The following LNX1 variants were observed in gnomAD, a reference collection of about 807,000 sequenced individuals.
The protein encoded by LNX1 is E3 ubiquitin-protein ligase LNX.
In LNX1, 54 loss-of-function variants were observed where a neutral mutation model predicts 68.4. The ratio of observed to expected loss-of-function variants is 0.79; its 90% CI spans 0.63 to 0.99. The LOEUF (loss-of-function observed/expected upper bound fraction) is 0.99. Ranked by LOEUF, LNX1 falls within the 50% of genes least tolerant of loss-of-function variation. LNX1 has a pLI of 0.00. For synonymous variants in LNX1, 336 were observed against 350.0 expected (o/e 0.96, Z 0.45); for missense variants, 906 against 926.4 (o/e 0.98, Z 0.29).
intron 9 of LNX1, among the ~76,000 whole-genome samples, chr4:53,467,566 CA>C (rs1311474034): frequency 6.6e-6 from 1 of 151,946 alleles, no homozygotes; most frequent in African/African-American, 2.4e-5. Flanking sequence ...AAGTTTGAAC[CA>C]ATGGCAAAGA....
At chr4:53,592,395 G>C (rs1732549566), upstream of LNX1, among the ~76,000 whole-genome samples, 4 of 152,156 alleles carry the variant, frequency 2.6e-5, no homozygotes, top group African/African-American at 7.2e-5. Flanking sequence ...TCCAGCACCA[G>C]AGCAGGCAGC....
intron 2 of LNX1, among the ~76,000 whole-genome samples, chr4:53,597,186 G>A (rs186621903): frequency 6.6e-6 from 1 of 152,090 alleles, no homozygotes; most frequent in African/African-American, 2.4e-5. Context: ...AATGCTAGCT[G>A]CACTTGTCAC....
intron 4 of LNX1, among the ~76,000 whole-genome samples, chr4:53,506,109 G>A (rs1725852163): frequency 6.6e-6 from 1 of 152,174 alleles, no homozygotes; most frequent in Non-Finnish European, 1.5e-5. Context: ...AGAGTAGAGG[G>A]CAGTATAACC....
At chr4:53,618,370 G>A (rs1048218181), upstream of LNX1, among the ~76,000 whole-genome samples, 4 of 152,154 alleles carry the variant, frequency 2.6e-5, no homozygotes, top group Non-Finnish European at 5.9e-5. Flanking sequence ...ATTAGGCAGA[G>A]ACACAAAAAG....
chr4:53,551,580 C>A (rs1729521245), intron 2 of LNX1, among the ~76,000 whole-genome samples: 1 of 152,284 alleles, frequency 6.6e-6, no homozygotes, highest in South Asian at 2.1e-4. Flanking sequence ...GCTCACCCCC[C>A]AAGTGCCTGA....
At chr4:53,642,965 C>A (rs1435110883) in intron 1 of LNX1, among the ~76,000 whole-genome samples, 1 of 152,122 alleles carries the variant, frequency 6.6e-6, no homozygotes, top group Non-Finnish European at 1.5e-5. Flanking sequence ...GGTGATTTTG[C>A]CCTCCAGAGG....
chr4:53,552,870 A>C (rs1729615675), intron 2 of LNX1, among the ~76,000 whole-genome samples: 1 of 151,470 alleles, frequency 6.6e-6, no homozygotes, highest in Non-Finnish European at 1.5e-5. Flanking sequence ...AAGGAATGTT[A>C]CAAAAGCCAC....
At chr4:53,506,591 A>G (rs1725887786) in intron 4 of LNX1, among the ~76,000 whole-genome samples, 1 of 152,104 alleles carries the variant, frequency 6.6e-6, no homozygotes, top group Non-Finnish European at 1.5e-5. Flanking sequence ...GCGGTGGCTC[A>G]TGCCTGTAAT....
chr4:53,647,738 C>T lies in LNX1; in HGVS notation c.-215+4430G>A, dbSNP rs534748854. On this transcript the variant is annotated intron_variant, in intron 1 of 2. Transcript: ENST00000507168. ...CTCTAGATCTTGCAAAACTGAAACT[C>T]GTCACCCATTAAACAGTAACTCTCC... 2.0e-5 allele frequency among the ~76,000 whole-genome samples: 3 copies of T among 152,352 alleles called. No individual in the cohort carries two copies. In the South Asian group the frequency reaches 6.2e-4, roughly 32 times the overall value.
Position 53,486,190 on chromosome 4 carries a change from C to T in LNX1, c.1351-4336G>A, listed in dbSNP as rs1473695962. Among the ~76,000 whole-genome samples the T allele has an allele frequency of 2.6e-5, 4 of 152,182 alleles. No individual in the cohort carries two copies. The South Asian group carries it at 6.2e-4, about 24-fold the overall frequency. ...CATTAGACTCCCTCTCTCTTTTCCG[C>T]CCTGCGCCAGTTCACCCCTCCTTAG... On this transcript the variant is annotated intron_variant, in intron 6 of 10. Transcript: ENST00000263925.
intron 1 of LNX1, chr4:53,575,628 C>G: frequency 7.6e-7 from 1 of 1,319,654 alleles, no homozygotes; most frequent in South Asian, 2.8e-5. Flanking sequence ...CCGCTTTTGG[C>G]TGCATTGGCT....
chr4:53,601,499 GCTGCAC>G (rs1469905057), intron 2 of LNX1, among the ~76,000 whole-genome samples: 2 of 152,304 alleles, frequency 1.3e-5, no homozygotes, highest in East Asian at 3.9e-4. Context: ...AAGTGATTAG[GCTGCAC>G]CTGGACCAAC....
At chr4:53,528,056 G>C (rs567546413) in intron 2 of LNX1, among the ~76,000 whole-genome samples, 29 of 152,278 alleles carry the variant, frequency 1.9e-4, no homozygotes, top group African/African-American at 7.0e-4. Flanking sequence ...CCATGTTTAA[G>C]TGTTTTCCAG....
At chr4:53,531,019 A>T (rs1472774585) in intron 2 of LNX1, among the ~76,000 whole-genome samples, 1 of 152,172 alleles carries the variant, frequency 6.6e-6, no homozygotes, top group East Asian at 1.9e-4. Context: ...ACAAAAAATT[A>T]GCCGGTGTGG....
intron 1 of LNX1, chr4:53,576,206 C>G: frequency 6.3e-7 from 1 of 1,594,520 alleles, no homozygotes; most frequent in South Asian, 1.1e-5. Flanking sequence ...ACAATCTCCA[C>G]CAGTGCCCTG....
At chr4:53,466,156 GAAAAA>G (rs11285844) in intron 9 of LNX1, among the ~76,000 whole-genome samples, 156 of 151,672 alleles carry the variant, frequency 1.0e-3, no homozygotes, top group Non-Finnish European at 1.6e-3. Context: ...TTTGTTTTAA[GAAAAA>G]AAAAATCACA....
In LNX1 at chr4:53,573,722, A is replaced by T. The variant is rs760126360; in HGVS notation, c.281T>A (p.Val94Asp). 13 of 1,611,272 alleles carry T rather than the reference A, an allele frequency of 8.1e-6. No individual in the cohort carries two copies. Among genetic ancestry groups the T allele is most frequent in the Non-Finnish European group, 1.0e-5 (12 of 1,178,786 alleles). Residue 94 changes from valine (V) to aspartate (D), a missense_variant, in exon 2 of 11, where the codon GTC (valine) becomes GAC (aspartate). By Grantham distance (152) the Val-to-Asp change is radical. Coordinates refer to ENST00000263925, the MANE Select transcript of LNX1 (RefSeq NM_001126328.3). ...LQHCKKSSIL[V>D]NKLLNKLLVT... ...CAGTAGCTTGTTGAGGAGTTTGTTG[A>T]CCAGGATGCTGGACTTCTTGCAGTG...
chr4:53,519,445 T>G (rs1355757208), intron 2 of LNX1, among the ~76,000 whole-genome samples: 3 of 151,692 alleles, frequency 2.0e-5, no homozygotes, highest in Non-Finnish European at 4.4e-5. Flanking sequence ...AGTGTTTTTT[T>G]TTTTTTTTTT....
chr4:53,566,532 C>T (rs1247848124), intron 2 of LNX1, among the ~76,000 whole-genome samples: 5 of 148,870 alleles, frequency 3.4e-5, no homozygotes, highest in Admixed American at 6.7e-5. Context: ...CGGTACCAGC[C>T]GCTGCAAAAT....
Sources: gnomAD v4.1 joint callset for allele counts (sites outside exome capture counted in the v4.1 genomes callset) on GRCh38, gnomAD v4.1.1 for gene constraint, MANE v1.5 for transcripts, NCBI Gene and HGNC (gene_info 2026-07-23, HGNC 2026-07-21) for gene names.